The following KCND2 variants were observed in gnomAD, a reference collection of about 807,000 sequenced individuals.
KCND2 encodes the protein A-type voltage-gated potassium channel KCND2.
Under a neutral mutation model 54.4 loss-of-function variants are expected in KCND2, and 16 were observed. The ratio of observed to expected loss-of-function variants is 0.29; its 90% confidence interval spans 0.20 to 0.45. The LOEUF is 0.45. KCND2 is among the 20% of genes least tolerant of loss of function. The probability of loss-of-function intolerance (pLI) is 1.00; values close to 1 mark genes in which losing one functional copy is unlikely to be tolerated. For missense variants in KCND2, 486 were observed against 824.2 expected, an observed-to-expected ratio of 0.59 and a Z score of 5.02; for synonymous variants, 317 against 310.7, an observed-to-expected ratio of 1.02 and a Z score of -0.21.
chr7:120,497,198 T>C (rs907426674), intron 1 of KCND2, among the ~76,000 whole-genome samples: 1 of 152,142 alleles, frequency 6.6e-6, no homozygotes, highest in East Asian at 1.9e-4. Context: ...AATAAGCACA[T>C]AAGAACACCC....
rs1454994354 is a variant in KCND2, at chr7:120,485,637, G to C, written c.1115+209890G>C. ...GATGACAGTAGAGGATGCTTTTTAAGTCATACTGGCTAAAAACATTTTTAA... is the reference window on the plus strand; with the variant it reads ...GATGACAGTAGAGGATGCTTTTTAACTCATACTGGCTAAAAACATTTTTAA... On this transcript the variant is annotated intron_variant, in intron 1 of 5. Coordinates refer to ENST00000331113, the MANE Select transcript of KCND2 (RefSeq NM_012281.3). 2.6e-5 allele frequency among the ~76,000 whole-genome samples: 4 copies of C among 152,214 alleles called. No homozygotes were observed. The East Asian group carries it at 5.8e-4, about 22-fold the overall frequency.
chr7:120,652,236 C>A (rs971304327), intron 1 of KCND2, among the ~76,000 whole-genome samples: 2 of 152,008 alleles, frequency 1.3e-5, no homozygotes, highest in Admixed American at 6.6e-5. Flanking sequence ...CCACCACACC[C>A]AGCTAATTTT....
chr7:120,536,081 G>A (rs865801703), intron 1 of KCND2, among the ~76,000 whole-genome samples: 1 of 152,048 alleles, frequency 6.6e-6, no homozygotes, highest in Non-Finnish European at 1.5e-5. Context: ...ATACTGTGTC[G>A]TTCAGTTCCA....
At chr7:120,712,931 A>G (rs1792558263) in intron 1 of KCND2, among the ~76,000 whole-genome samples, 1 of 152,150 alleles carries the variant, frequency 6.6e-6, no homozygotes, top group African/African-American at 2.4e-5. Flanking sequence ...AGTCTTATTT[A>G]TAAATAGGAT....
chr7:120,631,707 A>G (rs1793236213), intron 1 of KCND2, among the ~76,000 whole-genome samples: 1 of 152,112 alleles, frequency 6.6e-6, no homozygotes, highest in South Asian at 2.1e-4. Flanking sequence ...GTAAATAGAA[A>G]ATGTGGACAA....
At chr7:120,559,649 A>C (rs1431933777) in intron 1 of KCND2, among the ~76,000 whole-genome samples, 3 of 152,220 alleles carry the variant, frequency 2.0e-5, no homozygotes, top group Non-Finnish European at 2.9e-5. Flanking sequence ...GAAATGAAAC[A>C]GCATGTTTGA....
intron 1 of KCND2, among the ~76,000 whole-genome samples, chr7:120,291,459 A>T (rs1354348448): frequency 6.6e-6 from 1 of 151,940 alleles, no homozygotes; most frequent in Non-Finnish European, 1.5e-5. Context: ...ATAGAATTTA[A>T]CAACTTGAAC....
chr7:120,370,744 T>C (rs940197599), intron 1 of KCND2, among the ~76,000 whole-genome samples: 1 of 152,050 alleles, frequency 6.6e-6, no homozygotes, highest in African/African-American at 2.4e-5. Flanking sequence ...GAGTTGGATT[T>C]AAATCTTGGT....
chr7:120,629,749 G>C (rs928894113), intron 1 of KCND2, among the ~76,000 whole-genome samples: 4 of 152,116 alleles, frequency 2.6e-5, no homozygotes, highest in African/African-American at 9.7e-5. Flanking sequence ...ACCAAATTCT[G>C]GATATATTTG....
At chr7:120,598,640 AT>A (rs1357645139) in intron 1 of KCND2, among the ~76,000 whole-genome samples, 5 of 151,398 alleles carry the variant, frequency 3.3e-5, no homozygotes, top group Non-Finnish European at 5.9e-5. Context: ...AGTTTTTCAG[AT>A]TTTTCACTCA....
chr7:120,617,672 CT>C (rs2116495796), intron 1 of KCND2, among the ~76,000 whole-genome samples: 1 of 152,202 alleles, frequency 6.6e-6, no homozygotes, highest in South Asian at 2.1e-4. Context: ...ATAAGTCATC[CT>C]ACCAAAATGA....
intron 1 of KCND2, among the ~76,000 whole-genome samples, chr7:120,595,290 A>C (rs1441056362): frequency 1.3e-5 from 2 of 151,114 alleles, no homozygotes; most frequent in African/African-American, 4.9e-5. Flanking sequence ...CATCTCTACC[A>C]ATGTACAAAA....
intron 1 of KCND2, among the ~76,000 whole-genome samples, chr7:120,477,952 C>G (rs1216950132): frequency 6.6e-6 from 1 of 152,106 alleles, no homozygotes; most frequent in Non-Finnish European, 1.5e-5. Context: ...CAATTTATTT[C>G]TCATCACCAG....
intron 1 of KCND2, among the ~76,000 whole-genome samples, chr7:120,667,795 A>G (rs1396548732): frequency 6.6e-6 from 1 of 152,074 alleles, no homozygotes; most frequent in Admixed American, 6.5e-5. Context: ...GAGAGTAAAA[A>G]TAAAACGAGA....
At chr7:120,722,853 C>T (rs147031787) in intron 1 of KCND2, among the ~76,000 whole-genome samples, 8 of 152,260 alleles carry the variant, frequency 5.3e-5, no homozygotes, top group Admixed American at 5.2e-4. Flanking sequence ...CTGTCTTCCC[C>T]TGGCAAAGGC....
chr7:120,360,755 A>G (rs955785956), intron 1 of KCND2, among the ~76,000 whole-genome samples: 20 of 152,210 alleles, frequency 1.3e-4, no homozygotes, highest in African/African-American at 4.6e-4. Context: ...CCAGTGTTAC[A>G]TACTTTTCAA....
chr7:120,416,751 T>C (rs1222997824), intron 1 of KCND2, among the ~76,000 whole-genome samples: 9 of 147,362 alleles, frequency 6.1e-5, no homozygotes, highest in Non-Finnish European at 1.2e-4. Context: ...GGAAAGAAAC[T>C]CTCTCTGGAG....
chr7:120,474,030 T>G (rs1325320556), intron 1 of KCND2, among the ~76,000 whole-genome samples: 5 of 152,176 alleles, frequency 3.3e-5, no homozygotes, highest in Non-Finnish European at 7.4e-5. Context: ...GATCTAATGG[T>G]GCGTCTTGCA....
intron 1 of KCND2, among the ~76,000 whole-genome samples, chr7:120,682,719 A>G (rs1211140709): frequency 6.6e-6 from 1 of 152,108 alleles, no homozygotes; most frequent in African/African-American, 2.4e-5. Flanking sequence ...ACATTCGTTG[A>G]AATGCTTTAG....
Sources: allele counts gnomAD v4.1 joint callset (sites outside exome capture counted in the v4.1 genomes callset), GRCh38; gene constraint gnomAD v4.1.1; transcripts MANE v1.5; gene names NCBI Gene and HGNC (gene_info 2026-07-23, HGNC 2026-07-21).